Variants in LDLRAD3 observed in about 807,000 individuals in gnomAD.
LDLRAD3 encodes low density lipoprotein receptor class A domain containing 3.
LDLRAD3 carries 20 observed loss-of-function variants against 29.4 expected under a neutral mutation model. The ratio of observed to expected loss-of-function variants is 0.68; its 90% CI spans 0.48 to 0.99. The LOEUF (loss-of-function observed/expected upper bound fraction) is 0.99, where lower values mean the gene tolerates loss of function less well. Ranked by LOEUF, LDLRAD3 falls within the 50% of genes least tolerant of loss-of-function variation. The pLI is 0.00. For missense variants in LDLRAD3, 420 were observed against 454.3 expected (o/e 0.92, Z 0.69); for synonymous variants, 157 against 192.7 (o/e 0.81, Z 1.53).
At chr11:35,950,528 T>C (rs1342822245) in intron 1 of LDLRAD3, among the ~76,000 whole-genome samples, 1 of 152,200 alleles carries the variant, frequency 6.6e-6, no homozygotes, top group East Asian at 1.9e-4. Flanking sequence ...TGTGTATGTG[T>C]ATGTGTATGT....
intron 3 of LDLRAD3, among the ~76,000 whole-genome samples, chr11:36,093,217 GA>G (rs1565216972): frequency 6.6e-6 from 1 of 152,136 alleles, no homozygotes; most frequent in Non-Finnish European, 1.5e-5. Context: ...CAAACATACT[GA>G]AAAGGAAAAG....
At chr11:35,985,791 C>T (rs181469332) in intron 1 of LDLRAD3, among the ~76,000 whole-genome samples, 22 of 151,936 alleles carry the variant, frequency 1.4e-4, no homozygotes, top group South Asian at 6.3e-4. Context: ...CTTCACCTTC[C>T]GCCATGACTG....
intron 1 of LDLRAD3, among the ~76,000 whole-genome samples, chr11:35,958,541 G>T (rs766225551): frequency 5.3e-5 from 8 of 152,040 alleles, no homozygotes; most frequent in Non-Finnish European, 4.4e-5. Context: ...ATTGACCTTT[G>T]GTGTAGGTCA....
intron 3 of LDLRAD3, among the ~76,000 whole-genome samples, chr11:36,087,017 A>G (rs910050710): frequency 1.3e-5 from 2 of 152,210 alleles, no homozygotes; most frequent in Non-Finnish European, 2.9e-5. Context: ...AAATCTAACC[A>G]TTAGTTTACT....
At chr11:35,966,113 T>A (rs1312207707) in intron 1 of LDLRAD3, among the ~76,000 whole-genome samples, 1 of 152,220 alleles carries the variant, frequency 6.6e-6, no homozygotes, top group East Asian at 1.9e-4. Context: ...AATTTGTCTT[T>A]CGACAAGATA....
chr11:36,198,147 A>C (rs1855062936), intron 4 of LDLRAD3, among the ~76,000 whole-genome samples: 1 of 152,238 alleles, frequency 6.6e-6, no homozygotes, highest in Non-Finnish European at 1.5e-5. Flanking sequence ...GAACATGAAT[A>C]AGGGGATCTG....
intron 3 of LDLRAD3, among the ~76,000 whole-genome samples, chr11:36,090,830 C>T (rs1590258960): frequency 1.3e-5 from 2 of 152,256 alleles, no homozygotes; most frequent in East Asian, 3.9e-4. Flanking sequence ...TACGTTCTGT[C>T]TTCGAGGGGG....
intron 4 of LDLRAD3, among the ~76,000 whole-genome samples, chr11:36,180,467 G>T (rs1854743111): frequency 6.6e-6 from 1 of 152,182 alleles, no homozygotes; most frequent in Non-Finnish European, 1.5e-5. Context: ...ACATGTAGAA[G>T]TAAGTAGGAA....
intron 4 of LDLRAD3, among the ~76,000 whole-genome samples, chr11:36,188,133 C>T (rs929005927): frequency 1.3e-5 from 2 of 152,084 alleles, no homozygotes; most frequent in Admixed American, 6.5e-5. Flanking sequence ...TGCACCACAT[C>T]GAGAAGAGAT....
chr11:36,215,408 C>T (rs941853635), intron 4 of LDLRAD3, among the ~76,000 whole-genome samples: 3 of 152,110 alleles, frequency 2.0e-5, no homozygotes, highest in South Asian at 2.1e-4. Flanking sequence ...AAAGACACTA[C>T]GGGGAGCCAG....
chr11:36,026,594 G>T (rs1852170075), intron 1 of LDLRAD3, among the ~76,000 whole-genome samples: 1 of 152,192 alleles, frequency 6.6e-6, no homozygotes, highest in South Asian at 2.1e-4. Context: ...AGGTCATAAA[G>T]ACCTGCTGAT....
intron 2 of LDLRAD3, among the ~76,000 whole-genome samples, chr11:36,055,522 G>C (rs908852073): frequency 6.6e-6 from 1 of 152,206 alleles, no homozygotes; most frequent in Non-Finnish European, 1.5e-5. Context: ...TTAATTCCAT[G>C]GTGCTAGGGG....
At chr11:36,191,899 T>C (rs1276260188) in intron 4 of LDLRAD3, among the ~76,000 whole-genome samples, 1 of 151,998 alleles carries the variant, frequency 6.6e-6, no homozygotes, top group Non-Finnish European at 1.5e-5. Context: ...GGCTTGAAAA[T>C]GGGCATATGT....
At chr11:36,118,575 G>C (rs548867387) in intron 4 of LDLRAD3, among the ~76,000 whole-genome samples, 1 of 152,122 alleles carries the variant, frequency 6.6e-6, no homozygotes, top group African/African-American at 2.4e-5. Flanking sequence ...CTGCCAAGTA[G>C]AAGCCCTAAA....
intron 3 of LDLRAD3, among the ~76,000 whole-genome samples, chr11:36,088,924 C>A (rs1157683798): frequency 6.6e-6 from 1 of 152,158 alleles, no homozygotes; most frequent in Non-Finnish European, 1.5e-5. Context: ...TGACCCCTCT[C>A]CTCCCCAGTC....
chr11:36,004,830 C>T (rs1851864683), intron 1 of LDLRAD3, among the ~76,000 whole-genome samples: 1 of 152,236 alleles, frequency 6.6e-6, no homozygotes, highest in Non-Finnish European at 1.5e-5. Context: ...AGGTCCAACA[C>T]CATGTGAAAG....
chr11:36,229,620 T>C lies in LDLRAD3; in HGVS notation c.*223T>C. On this transcript the variant is annotated 3_prime_UTR_variant, in exon 6 of 6. Transcript: ENST00000315571. Reference sequence around the variant, plus strand: ...TTGTGCGTCTTTTCTGTCAGGTCACTCTTCCCTTGGGACCCGAGATCACAC... The same window carrying C: ...TTGTGCGTCTTTTCTGTCAGGTCACCCTTCCCTTGGGACCCGAGATCACAC... 2.1e-6 allele frequency: 1 copy of C among 485,822 alleles called. No homozygotes were observed. Among genetic ancestry groups the C allele is most frequent in the Non-Finnish European group, 3.6e-6 (1 of 274,346 alleles). The allele number at this position is 485,822 out of a possible 1,614,324, so 30.1% of individuals were successfully genotyped here.
intron 4 of LDLRAD3, among the ~76,000 whole-genome samples, chr11:36,110,822 C>T (rs1853595223): frequency 6.6e-6 from 1 of 152,162 alleles, no homozygotes; most frequent in African/African-American, 2.4e-5. Context: ...GAGCAGCATG[C>T]CGTGGGAGCT....
chr11:36,144,852 TG>T (rs1399341960), intron 4 of LDLRAD3, among the ~76,000 whole-genome samples: 2 of 74,532 alleles, frequency 2.7e-5, no homozygotes, highest in Admixed American at 1.4e-4. Context: ...GGGAGGGAGG[TG>T]GGGGGGTCAG....
Sources: allele counts gnomAD v4.1 joint callset (sites outside exome capture counted in the v4.1 genomes callset), GRCh38; gene constraint gnomAD v4.1.1; transcripts MANE v1.5; gene names NCBI Gene and HGNC (gene_info 2026-07-23, HGNC 2026-07-21).